The following SULF2 variants were observed in gnomAD, a reference collection of about 807,000 sequenced individuals.
The protein encoded by SULF2 is extracellular sulfatase Sulf-2.
A neutral mutation model predicts 107.7 loss-of-function variants in SULF2; 52 were observed. The ratio of observed to expected loss-of-function variants is 0.48; its 90% CI spans 0.39 to 0.61. SULF2 has a LOEUF of 0.61. SULF2 is among the 20% of genes least tolerant of loss of function. SULF2 has a pLI of 0.00. For missense variants in SULF2, 993 were observed against 1,177.3 expected, an observed-to-expected ratio of 0.84 and a Z score of 2.29; for synonymous variants, 460 against 464.3, an observed-to-expected ratio of 0.99 and a Z score of 0.12.
intron 4 of SULF2, among the ~76,000 whole-genome samples, chr20:47,700,191 T>C (rs1263471416): frequency 6.6e-6 from 1 of 152,114 alleles, no homozygotes; most frequent in African/African-American, 2.4e-5. Context: ...CTCCTTCTCC[T>C]CCTCATCATC....
chr20:47,700,152 TC>T (rs1430095704), intron 4 of SULF2, among the ~76,000 whole-genome samples: 3 of 152,186 alleles, frequency 2.0e-5, no homozygotes, highest in African/African-American at 7.2e-5. Flanking sequence ...AAATGGGACA[TC>T]TGGATGAAAC....
Position 47,682,980 on chromosome 20 carries a change from G to A in SULF2, c.1064+14C>T, listed in dbSNP as rs767754454. On this transcript the variant is annotated intron_variant, in intron 7 of 20. Coordinates refer to ENST00000688720, the MANE Select transcript of SULF2 (RefSeq NM_001387048.1). ...CAGGGGCCTCCCTGGGTCCCTGGGG[G>A]ATGACACACTTACAGACAGCCGGCT... The A allele has an allele frequency of 2.5e-6, 4 of 1,588,502 alleles. No homozygotes were observed. In the Admixed American group the frequency reaches 6.8e-5, roughly 27 times the overall value.
chr20:47,729,511 G>C (rs754384866), intron 3 of SULF2, among the ~76,000 whole-genome samples: 1 of 152,242 alleles, frequency 6.6e-6, no homozygotes, highest in East Asian at 1.9e-4. Context: ...GGTGGCAGCA[G>C]AGGGGACTCT....
Position 47,665,199 on chromosome 20 carries a change from C to T in SULF2, c.1997G>A (p.Ser666Asn). Residue 666 changes from serine to asparagine, a missense_variant and splice_region_variant, in exon 14 of 21, where the codon AGC becomes AAC. Physicochemically the swap from Ser to Asn is conservative, Grantham distance 46. Coordinates refer to ENST00000688720, the MANE Select transcript of SULF2 (RefSeq NM_001387048.1). ...GGAGGTCCCTTTGCTACTGCCTCAC[C>T]TGATTTTGTGACAGTCACATTCTTC... The part of the protein sequence containing the change: ...RPEECDCHKI[S>N]YHTQHKGRLK... 2 of 1,610,912 alleles carry T rather than the reference C, an allele frequency of 1.2e-6. No homozygotes were observed. The highest frequency in any genetic ancestry group is 8.5e-7 in the Non-Finnish European group (1 of 1,177,040).
At chr20:47,692,623 CAG>C (rs1462642031) in intron 4 of SULF2, among the ~76,000 whole-genome samples, 1 of 152,032 alleles carries the variant, frequency 6.6e-6, no homozygotes, top group African/African-American at 2.4e-5. Flanking sequence ...TCTCTACAGA[CAG>C]AGTCTTGAGT....
At chr20:47,747,101 T>A (rs1005854701) in intron 2 of SULF2, among the ~76,000 whole-genome samples, 1 of 151,958 alleles carries the variant, frequency 6.6e-6, no homozygotes, top group South Asian at 2.1e-4. Context: ...CAACTCTTGC[T>A]GTGCCTGTAA....
intron 3 of SULF2, among the ~76,000 whole-genome samples, chr20:47,716,178 T>C (rs2089114466): frequency 1.3e-5 from 2 of 152,332 alleles, no homozygotes; most frequent in South Asian, 2.1e-4. Flanking sequence ...ATATTAGAGA[T>C]GAAAACTGAG....
intron 7 of SULF2, among the ~76,000 whole-genome samples, chr20:47,682,041 C>T (rs1384125832): frequency 2.0e-5 from 3 of 152,184 alleles, no homozygotes; most frequent in South Asian, 2.1e-4. Context: ...ACACTCCATA[C>T]GTGTGGACTG....
At chr20:47,735,273 AAG>A (rs1284964902) in intron 3 of SULF2, among the ~76,000 whole-genome samples, 1 of 152,196 alleles carries the variant, frequency 6.6e-6, no homozygotes, top group Non-Finnish European at 1.5e-5. Context: ...AGGTTGTGAA[AAG>A]AGAGTCTGTG....
At chr20:47,745,726 C>CA (rs1600635564) in intron 2 of SULF2, among the ~76,000 whole-genome samples, 2 of 151,754 alleles carry the variant, frequency 1.3e-5, no homozygotes, top group East Asian at 3.9e-4. Flanking sequence ...GATGGGGTTT[C>CA]ACCATGTTAG....
chr20:47,768,606 C>T (rs1279668736), intron 1 of SULF2, among the ~76,000 whole-genome samples: 11 of 152,254 alleles, frequency 7.2e-5, no homozygotes, highest in African/African-American at 1.2e-4. Flanking sequence ...CCCAACTCTC[C>T]GCCTTACTGA....
intron 3 of SULF2, among the ~76,000 whole-genome samples, chr20:47,712,978 C>T (rs575944653): frequency 1.3e-5 from 2 of 152,090 alleles, no homozygotes; most frequent in African/African-American, 4.8e-5. Flanking sequence ...GAGGCGGAGG[C>T]TGCAGTGGAC....
At chr20:47,690,946 G>A (rs2088178970) in intron 4 of SULF2, among the ~76,000 whole-genome samples, 2 of 151,932 alleles carry the variant, frequency 1.3e-5, no homozygotes, top group Admixed American at 6.6e-5. Context: ...ACTGTTCTGT[G>A]TTTACCTGTA....
rs1466964441 is a variant in SULF2 at position 47,657,838 on chromosome 20, T to C, written c.*524A>G. The C allele has an allele frequency of 6.3e-6, 1 of 158,588 alleles. No homozygotes were observed. The highest frequency in any genetic ancestry group is 2.4e-5 in the African/African-American group (1 of 41,540). The allele number at this position is 158,588 out of a possible 1,614,324, so 9.8% of individuals were successfully genotyped here. A position where few individuals can be genotyped will look rare whatever the true frequency, so the allele number is the denominator to read the frequency against. ...ACCAGGGTTTATAGTGCTAGGTAAA[T>C]GTCATCTCTTTTGTGCTACTGACTC... is the stretch of plus-strand genomic sequence containing the variant. On this transcript the variant is annotated 3_prime_UTR_variant, in exon 21 of 21. Coordinates refer to ENST00000688720, the MANE Select transcript of SULF2 (RefSeq NM_001387048.1).
chr20:47,752,419 G>A (rs1185722336), intron 2 of SULF2, among the ~76,000 whole-genome samples: 1 of 152,120 alleles, frequency 6.6e-6, no homozygotes, highest in Non-Finnish European at 1.5e-5. Flanking sequence ...ACTTTACTCG[G>A]AGTATTTTCA....
At chr20:47,715,812 C>G (rs567023781) in intron 3 of SULF2, among the ~76,000 whole-genome samples, 1 of 152,320 alleles carries the variant, frequency 6.6e-6, no homozygotes, top group South Asian at 2.1e-4. Context: ...GAGCTGACCT[C>G]AAGTGATCCA....
At chr20:47,705,618 C>T (rs1169673276) in intron 3 of SULF2, among the ~76,000 whole-genome samples, 3 of 152,136 alleles carry the variant, frequency 2.0e-5, no homozygotes, top group Non-Finnish European at 4.4e-5. Context: ...CCCCAGGAGA[C>T]ACTTGGCAAT....
intron 11 of SULF2, among the ~76,000 whole-genome samples, chr20:47,668,208 C>G (rs1179032535): frequency 6.6e-6 from 1 of 152,258 alleles, no homozygotes; most frequent in Non-Finnish European, 1.5e-5. Flanking sequence ...CACCCTCCAT[C>G]TCCCAGCTCT....
At chr20:47,753,584 A>G (rs912842783) in intron 2 of SULF2, among the ~76,000 whole-genome samples, 2 of 152,250 alleles carry the variant, frequency 1.3e-5, no homozygotes, top group Non-Finnish European at 2.9e-5. Context: ...GCCGAAGGCA[A>G]TGGGTATTGG....
Sources: allele counts gnomAD v4.1 joint callset (sites outside exome capture counted in the v4.1 genomes callset), GRCh38; gene constraint gnomAD v4.1.1; transcripts MANE v1.5; gene names NCBI Gene and HGNC (gene_info 2026-07-23, HGNC 2026-07-21).